Variants in ARFIP1 observed in about 807,000 individuals in gnomAD.
ARFIP1 encodes ARF interacting protein 1, also known as arfaptin-1.
ARFIP1 carries 24 observed loss-of-function variants against 42.5 expected under a neutral mutation model. That is an observed-to-expected ratio of 0.57 (90% CI 0.41 to 0.80). The LOEUF is 0.80. Ranked by LOEUF, ARFIP1 falls within the 30% of genes least tolerant of loss-of-function variation. ARFIP1 has a pLI of 0.00. For missense variants in ARFIP1, 354 were observed against 434.0 expected, an observed-to-expected ratio of 0.82 and a Z score of 1.64; for synonymous variants, 141 against 153.7, an observed-to-expected ratio of 0.92 and a Z score of 0.61.
chr4:152,783,202 G>A (rs1730605501), intron 1 of ARFIP1, among the ~76,000 whole-genome samples: 1 of 152,074 alleles, frequency 6.6e-6, no homozygotes, highest in African/African-American at 2.4e-5. Context: ...CAGCTACTTG[G>A]GAGGGGCTGA....
intron 1 of ARFIP1, among the ~76,000 whole-genome samples, chr4:152,820,823 G>T (rs553887892): frequency 1.3e-5 from 2 of 152,202 alleles, no homozygotes; most frequent in East Asian, 3.9e-4. Context: ...TTTCTCCTGC[G>T]ACTGGCATCT....
At chr4:152,907,265 A>T (rs1738439143) in intron 8 of ARFIP1, among the ~76,000 whole-genome samples, 1 of 152,196 alleles carries the variant, frequency 6.6e-6, no homozygotes, top group African/African-American at 2.4e-5. Context: ...TTCCCTCTGA[A>T]TATAAAATGG....
At chr4:152,831,259 T>G (rs1195908098) in intron 2 of ARFIP1, among the ~76,000 whole-genome samples, 1 of 152,224 alleles carries the variant, frequency 6.6e-6, no homozygotes, top group Non-Finnish European at 1.5e-5. Context: ...AAGTATTTAC[T>G]GAATATCTGC....
chr4:152,789,747 C>T (rs963780322), intron 1 of ARFIP1, among the ~76,000 whole-genome samples: 1 of 152,130 alleles, frequency 6.6e-6, no homozygotes, highest in Non-Finnish European at 1.5e-5. Context: ...CAAATTGTTT[C>T]AGCTGTGGCC....
At chr4:152,811,836 G>T (rs1729490866) in intron 1 of ARFIP1, among the ~76,000 whole-genome samples, 2 of 152,254 alleles carry the variant, frequency 1.3e-5, no homozygotes, top group South Asian at 4.2e-4. Flanking sequence ...GGAGCTTTTG[G>T]TTTGGGGCCT....
At chr4:152,872,692 A>G in intron 5 of ARFIP1, 128 bp downstream of exon 5, 1 of 519,710 alleles carries the variant, frequency 1.9e-6, no homozygotes. Flanking sequence ...CATGGTAGAA[A>G]TACAGTTTGA....
chr4:152,878,902 ATAT>A (rs1469279655), intron 5 of ARFIP1, among the ~76,000 whole-genome samples: 1 of 152,248 alleles, frequency 6.6e-6, no homozygotes, highest in East Asian at 1.9e-4. Context: ...GTCTCTGATA[ATAT>A]TGCATAGGGA....
At chr4:152,823,996 A>G (rs1730607084) in intron 1 of ARFIP1, among the ~76,000 whole-genome samples, 1 of 151,958 alleles carries the variant, frequency 6.6e-6, no homozygotes, top group African/African-American at 2.4e-5. Flanking sequence ...AGCAAACTGA[A>G]TCCAATAGCA....
chr4:152,896,090 G>C (rs1423793616), intron 8 of ARFIP1, among the ~76,000 whole-genome samples: 3 of 151,718 alleles, frequency 2.0e-5, no homozygotes, highest in Non-Finnish European at 4.4e-5. Flanking sequence ...ATCATGGAAG[G>C]CTTCCCTGAG....
intron 1 of ARFIP1, among the ~76,000 whole-genome samples, chr4:152,801,240 A>G (rs994695949): frequency 3.9e-5 from 6 of 152,204 alleles, no homozygotes; most frequent in South Asian, 2.1e-4. Context: ...AGATTGGTCA[A>G]TGGTAGCCCT....
intron 1 of ARFIP1, among the ~76,000 whole-genome samples, chr4:152,817,800 G>C (rs559903002): frequency 5.9e-5 from 9 of 152,184 alleles, no homozygotes; most frequent in Non-Finnish European, 1.2e-4. Flanking sequence ...CAAAGGACTT[G>C]AATAGATATT....
intron 8 of ARFIP1, 24 bp downstream of exon 8, chr4:152,888,331 C>A: frequency 6.6e-7 from 1 of 1,516,818 alleles, no homozygotes; most frequent in Non-Finnish European, 8.9e-7. Flanking sequence ...CTTCTAAGGT[C>A]TTTCTGTGGA....
intron 8 of ARFIP1, among the ~76,000 whole-genome samples, chr4:152,907,281 T>C (rs1738440703): frequency 6.6e-6 from 1 of 152,180 alleles, no homozygotes; most frequent in South Asian, 2.1e-4. Flanking sequence ...AATGGGAACA[T>C]TGTGAACAGT....
At chr4:152,796,351 T>G (rs1731468586) in intron 1 of ARFIP1, 11 of 732,954 alleles carry the variant, frequency 1.5e-5, no homozygotes, top group Non-Finnish European at 1.7e-5. Flanking sequence ...CATATTTAGG[T>G]GGTTTTCTTG....
At chr4:152,828,828 T>G (rs1220312448) in intron 1 of ARFIP1, among the ~76,000 whole-genome samples, 1 of 152,232 alleles carries the variant, frequency 6.6e-6, no homozygotes, top group Non-Finnish European at 1.5e-5. Flanking sequence ...TCTCCTATGC[T>G]CTCTTTATGA....
chr4:152,810,940 G>A (rs549646617), intron 1 of ARFIP1, among the ~76,000 whole-genome samples: 14 of 152,190 alleles, frequency 9.2e-5, no homozygotes, highest in African/African-American at 2.4e-4. Flanking sequence ...GTGCTGCAGC[G>A]TATCTCTTTC....
At chr4:152,870,507 G>A (rs941114859) in intron 3 of ARFIP1, among the ~76,000 whole-genome samples, 1 of 152,162 alleles carries the variant, frequency 6.6e-6, no homozygotes, top group Non-Finnish European at 1.5e-5. Flanking sequence ...TCATCTACCA[G>A]ATTTCATTAT....
At chr4:152,843,946 C>A (rs10007643) in intron 2 of ARFIP1, among the ~76,000 whole-genome samples, 1 of 152,060 alleles carries the variant, frequency 6.6e-6, no homozygotes, top group Non-Finnish European at 1.5e-5. Context: ...CTTCTACCAC[C>A]GTTCAAATTG....
At chr4:152,870,183 A>T (rs919769961) in intron 3 of ARFIP1, among the ~76,000 whole-genome samples, 1 of 152,258 alleles carries the variant, frequency 6.6e-6, no homozygotes, top group African/African-American at 2.4e-5. Flanking sequence ...GAATTGAAGA[A>T]GGTCCTCTAT....
Sources: gnomAD v4.1 joint callset for allele counts (sites outside exome capture counted in the v4.1 genomes callset) on GRCh38, gnomAD v4.1.1 for gene constraint, MANE v1.5 for transcripts, NCBI Gene and HGNC (gene_info 2026-07-23, HGNC 2026-07-21) for gene names.